Variants in MAPK7 observed in about 807,000 individuals in gnomAD.
MAPK7 encodes mitogen-activated protein kinase 7, also known as BMK-1.
Under a neutral mutation model 56.9 loss-of-function variants are expected in MAPK7, and 30 were observed. The ratio of observed to expected loss-of-function variants is 0.53; its 90% CI spans 0.39 to 0.72. MAPK7 has a LOEUF of 0.72. Ranked by LOEUF, MAPK7 falls within the 30% of genes least tolerant of loss-of-function variation. MAPK7 has a pLI of 0.00. For missense variants in MAPK7, 952 were observed against 1,110.8 expected, an observed-to-expected ratio of 0.86 and a Z score of 2.03; for synonymous variants, 516 against 449.3, an observed-to-expected ratio of 1.15 and a Z score of -1.88.
At position 19,382,915 on chromosome 17, in the gene MAPK7, G is replaced by C. The variant is rs775587740; in HGVS notation, c.2266G>C (p.Asp756His). The stretch of plus-strand genomic sequence containing the variant: ...GGAGGAATTCTTAAACCAGTCTTTC[G>C]ACATGGGCGTGGCTGATGGGCCACA... ...DLEEFLNQSF[D>H]MGVADGPQDG... The change falls in exon 6 of 7, where the codon GAC becomes CAC. Residue 756 changes from aspartate (D) to histidine (H), a missense_variant. By Grantham distance (81) the Asp-to-His change is moderately conservative. This residue lies in a region of MAPK7 where 73 missense variants were observed against 104.6 expected (regional missense o/e 0.70). Coordinates refer to ENST00000395604, the MANE Select transcript of MAPK7 (RefSeq NM_002749.4). 1 of 1,614,212 alleles carries C rather than the reference G, an allele frequency of 6.2e-7. No individual in the cohort carries two copies. The highest frequency in any genetic ancestry group is 8.5e-7 in the Non-Finnish European group (1 of 1,180,046).
In MAPK7 at chr17:19,382,373, C is replaced by T; in HGVS notation, c.2070C>T (p.Gly690=). 6.2e-7 allele frequency: 1 copy of T among 1,613,568 alleles called. No individual in the cohort carries two copies. The part of the protein sequence containing the change: ...TPGVLPYFPP[G]LPPPDAGGAP... ...GAGTTTTGCCTTACTTCCCACCTGGCCTGCCGCCCCCAGACGCCGGGGGAG... is the reference window on the plus strand; with the variant it reads ...GAGTTTTGCCTTACTTCCCACCTGGTCTGCCGCCCCCAGACGCCGGGGGAG... The change falls in exon 5 of 7, where the codon GGC becomes GGT. Residue 690 remains glycine (G), a synonymous_variant. Transcript: ENST00000395604.
At position 19,379,524 on chromosome 17, in the gene MAPK7, A is replaced by G. The variant is rs78834929; in HGVS notation, c.233-258A>G. On this transcript the variant is annotated intron_variant, in intron 2 of 6. Coordinates refer to ENST00000395604, the MANE Select transcript of MAPK7 (RefSeq NM_002749.4). ...GAGCTACACCACTGGGCATCCGTGC[A>G]ACCTCCAACAAGTTACTAAGCCATA... The G allele has an allele frequency of 8.5e-3, 4,833 of 567,154 alleles. 245 individuals carry two copies. In the East Asian group the frequency reaches 0.11, roughly 13 times the overall value. The allele number at this position is 567,154 out of a possible 1,614,324, so 35.1% of individuals were successfully genotyped here.
At chr17:19,379,318 G>T in intron 2 of MAPK7, 186 bp downstream of exon 2, 1 of 618,870 alleles carries the variant, frequency 1.6e-6, no homozygotes, top group Non-Finnish European at 2.8e-6. Flanking sequence ...CGGCCTGGTG[G>T]TTTTGCCATC....
In MAPK7 at chr17:19,378,962, T is replaced by G; in HGVS notation, c.62T>G (p.Val21Gly). 1.2e-6 allele frequency: 2 copies of G among 1,604,050 alleles called. No individual in the cohort carries two copies. The highest frequency in any genetic ancestry group is 1.1e-5 in the South Asian group (1 of 89,538). Residue 21 changes from valine to glycine, a missense_variant, in exon 2 of 7, where the codon GTG becomes GGG. Val to Gly is a moderately radical substitution (Grantham distance 109). This residue lies in a region of MAPK7 where 213 missense variants were observed against 243.2 expected (regional missense o/e 0.88). Coordinates refer to ENST00000395604, the MANE Select transcript of MAPK7 (RefSeq NM_002749.4). The surrounding 1 kb of genome is among the most constrained non-coding windows in gnomAD (Gnocchi z 5.4). ...EDGSAEPPGP[V>G]KAEPAHTAAS... ...GGCTCTGCGGAGCCCCCCGGGCCCGTGAAGGCCGAACCCGCCCACACCGCT... is the reference window on the plus strand; with the variant it reads ...GGCTCTGCGGAGCCCCCCGGGCCCGGGAAGGCCGAACCCGCCCACACCGCT...
In MAPK7 at chr17:19,381,779, A is replaced by G; in HGVS notation, c.1478-2A>G. On this transcript the variant is annotated splice_acceptor_variant, in intron 4 of 6. Transcript: ENST00000395604. LOFTEE classifies it high-confidence loss of function. The surrounding 1 kb of genome is among the most constrained non-coding windows in gnomAD (Gnocchi z 4.6). ...CTTCTCCCCTGCCCAACTTCCCCGC[A>G]GATGGCCCCAGCGCACCCCTGGAGG... 1 of 1,539,110 alleles carries G rather than the reference A, an allele frequency of 6.5e-7. No individual in the cohort carries two copies. Among genetic ancestry groups the G allele is most frequent in the South Asian group, 1.3e-5 (1 of 77,554 alleles).
chr17:19,380,680 A>G lies in MAPK7; in HGVS notation c.471A>G (p.Glu157=). Residue 157 remains glutamate (E), a synonymous_variant, in exon 4 of 7, where the codon GAA becomes GAG. Coordinates refer to ENST00000395604, the MANE Select transcript of MAPK7 (RefSeq NM_002749.4). Reference sequence around the variant, plus strand: ...ACTCCTCACAGCCCCTCACACTGGAACACGTGCGCTACTTCCTGTACCAAC... The same window carrying G: ...ACTCCTCACAGCCCCTCACACTGGAGCACGTGCGCTACTTCCTGTACCAAC... The part of the protein sequence containing the change: ...IIHSSQPLTL[E]HVRYFLYQLL... 1 of 1,614,078 alleles carries G rather than the reference A, an allele frequency of 6.2e-7. No individual in the cohort carries two copies. Among genetic ancestry groups the G allele is most frequent in the Non-Finnish European group, 8.5e-7 (1 of 1,179,970 alleles).
At position 19,382,169 on chromosome 17, in the gene MAPK7, C is replaced by T; in HGVS notation, c.1866C>T (p.Gly622=). The T allele has an allele frequency of 1.9e-6, 3 of 1,612,462 alleles. No homozygotes were observed. Among genetic ancestry groups the T allele is most frequent in the Non-Finnish European group, 2.5e-6 (3 of 1,179,694 alleles). Residue 622 remains glycine, a synonymous_variant, in exon 5 of 7, where the codon GGC becomes GGT. Coordinates refer to ENST00000395604, the MANE Select transcript of MAPK7 (RefSeq NM_002749.4). ...CTGGCCCGCAACCACAATCTGCGGGCTCTACCTCTGGCCCTGTACCCCAGC... is the reference window on the plus strand; with the variant it reads ...CTGGCCCGCAACCACAATCTGCGGGTTCTACCTCTGGCCCTGTACCCCAGC... The part of the protein sequence containing the change: ...QPTGPQPQSA[G]STSGPVPQPA...
chr17:19,379,230 G>A (rs1912410148), intron 2 of MAPK7, 98 bp downstream of exon 2: 8 of 1,106,298 alleles, frequency 7.2e-6, no homozygotes, highest in African/African-American at 1.6e-5. Flanking sequence ...CGGGGTGCGA[G>A]TTCTGGCTCC....
rs201918808 is a variant in MAPK7, at chr17:19,381,595, T to A, written c.1386T>A (p.Pro462=). ...AGCCACCTCCACCAGTCAGTGAGCC[T>A]GCCCCACCAAAGAAAGATGGTGCCA... ...TLQPPPPVSE[P]APPKKDGAIS... is the part of the protein sequence containing the mutation. The change falls in exon 4 of 7, where the codon CCT becomes CCA. Residue 462 remains proline, a synonymous_variant. Coordinates refer to ENST00000395604, the MANE Select transcript of MAPK7 (RefSeq NM_002749.4). The surrounding 1 kb of genome is among the most constrained non-coding windows in gnomAD (Gnocchi z 4.6). 9 of 1,613,890 alleles carry A rather than the reference T, an allele frequency of 5.6e-6. No homozygotes were observed. In the Admixed American group the frequency reaches 1.3e-4, roughly 24 times the overall value.
Position 19,381,195 on chromosome 17 carries a change from G to T in MAPK7, c.986G>T (p.Arg329Leu), listed in dbSNP as rs368014787. The change falls in exon 4 of 7, where the codon CGT (arginine) becomes CTT (leucine). Residue 329 changes from arginine (R) to leucine (L), a missense_variant. Around this residue, in one of 5 missense-constraint regions of MAPK7, gnomAD observed 429 missense variants for 533.0 expected, o/e 0.80. Transcript: ENST00000395604. This position sits in a 1 kb window ranked among gnomAD's most constrained non-coding sequence, Gnocchi z 4.6. ...QALSLLGRML[R>L]FEPSARISAA... The stretch of plus-strand genomic sequence containing the variant: ...CTATCACTGCTGGGTCGCATGCTGC[G>T]TTTTGAGCCCAGCGCTCGCATCTCA... 1 of 1,614,106 alleles carries T rather than the reference G, an allele frequency of 6.2e-7. No individual in the cohort carries two copies. The highest frequency in any genetic ancestry group is 2.2e-5 in the East Asian group (1 of 44,874).
In MAPK7 at chr17:19,383,354, T is replaced by TC; in HGVS notation, c.*124dup. On this transcript the variant is annotated 3_prime_UTR_variant, in exon 7 of 7. Transcript: ENST00000395604. ...CGGCTTGGATTATTCTGCAGGTTCA[T>TC]CTCAGACCCACCTTTCAGCCTTAAG... 1 of 1,111,136 alleles carries TC rather than the reference T, an allele frequency of 9.0e-7. No homozygotes were observed. Among genetic ancestry groups the TC allele is most frequent in the Middle Eastern group, 3.0e-4 (1 of 3,302 alleles). 68.8% of individuals were successfully genotyped at this position (1,111,136 alleles called of 1,614,324 possible).
chr17:19,380,526 C>G, intron 3 of MAPK7, 82 bp from the exon 4 acceptor site: 1 of 1,507,616 alleles, frequency 6.6e-7, no homozygotes, highest in Non-Finnish European at 8.8e-7. Flanking sequence ...TGTCTGGAAT[C>G]GGAAGGGTGT....
Position 19,381,948 on chromosome 17 carries a change from G to C in MAPK7, c.1645G>C (p.Gly549Arg), listed in dbSNP as rs1348115164. The stretch of plus-strand genomic sequence containing the variant: ...AAAGGAACGGGGGGCTGGGGCCTCT[G>C]GGGGCCCCTCCACTGACCCCTTGGC... Reference protein sequence around the residue: ...ERKERGAGASGGPSTDPLAGL... With the variant: ...ERKERGAGASRGPSTDPLAGL... The change falls in exon 5 of 7, where the codon GGG becomes CGG. Residue 549 changes from glycine (G) to arginine (R), a missense_variant. Gly to Arg is a moderately radical substitution (Grantham distance 125, BLOSUM62 -2). Transcript: ENST00000395604. This position sits in a 1 kb window ranked among gnomAD's most constrained non-coding sequence, Gnocchi z 4.6. The C allele has an allele frequency of 1.3e-6, 2 of 1,551,634 alleles. No individual in the cohort carries two copies. Among genetic ancestry groups the C allele is most frequent in the African/African-American group, 1.4e-5 (1 of 73,028 alleles).
chr17:19,377,849 G>A (rs374223349), upstream of MAPK7: 21 of 985,320 alleles, frequency 2.1e-5, no homozygotes, highest in Non-Finnish European at 2.3e-5. Flanking sequence ...AACGAGCGGA[G>A]GGAAGATACC....
rs777410346 is a variant in MAPK7, at chr17:19,382,114, GTCC to G, written c.1819_1821del (p.Pro607del). 9.9e-6 allele frequency: 16 copies of G among 1,612,006 alleles called. No homozygotes were observed. The highest frequency in any genetic ancestry group is 3.3e-5 in the South Asian group (3 of 91,018). ...ACCCCAACCCCAGTCCAACCTACCA[GTCC>G]TCCTCCTGGCCCTGTAGCCCAGCCC... is the stretch of plus-strand genomic sequence containing the variant. On this transcript the variant is annotated inframe_deletion, in exon 5 of 7. Transcript: ENST00000395604.
In MAPK7 at chr17:19,380,676, T is replaced by C. The variant is rs780384541; in HGVS notation, c.467T>C (p.Leu156Pro). The C allele has an allele frequency of 1.2e-6, 2 of 1,614,024 alleles. No individual in the cohort carries two copies. Among genetic ancestry groups the C allele is most frequent in the South Asian group, 2.2e-5 (2 of 91,084 alleles). ...ATCCACTCCTCACAGCCCCTCACAC[T>C]GGAACACGTGCGCTACTTCCTGTAC... ...QIIHSSQPLT[L>P]EHVRYFLYQL... Residue 156 changes from leucine to proline, a missense_variant, in exon 4 of 7, where the codon CTG becomes CCG. Around this residue, in one of 5 missense-constraint regions of MAPK7, gnomAD observed 213 missense variants for 243.2 expected, o/e 0.88. Transcript: ENST00000395604.
chr17:19,377,839 A>C (rs1912225924), upstream of MAPK7: 1 of 985,312 alleles, frequency 1.0e-6, no homozygotes, highest in African/African-American at 1.7e-5. Context: ...GGGACAGACA[A>C]ACGAGCGGAG....
In MAPK7 at chr17:19,382,928, C is replaced by T. The variant is rs1367373679; in HGVS notation, c.2279C>T (p.Ala760Val). The T allele has an allele frequency of 6.2e-7, 1 of 1,614,122 alleles. No individual in the cohort carries two copies. The highest frequency in any genetic ancestry group is 1.7e-5 in the Admixed American group (1 of 60,014). ...FLNQSFDMGVADGPQDGQADS... is the reference protein window; with the variant it reads ...FLNQSFDMGVVDGPQDGQADS... ...AACCAGTCTTTCGACATGGGCGTGG[C>T]TGATGGGCCACAGGATGGGTAAGGT... The change falls in exon 6 of 7, where the codon GCT becomes GTT. Residue 760 changes from alanine (A) to valine (V), a missense_variant. Coordinates refer to ENST00000395604, the MANE Select transcript of MAPK7 (RefSeq NM_002749.4).
In MAPK7 at chr17:19,381,082, TGA is replaced by T; in HGVS notation, c.877_878del (p.Arg293GlyfsTer38). 6.2e-7 allele frequency: 1 copy of T among 1,614,094 alleles called. No homozygotes were observed. The highest frequency in any genetic ancestry group is 8.5e-7 in the Non-Finnish European group (1 of 1,180,022). On this transcript the variant is annotated frameshift_variant, in exon 4 of 7. Transcript: ENST00000395604. LOFTEE classifies it high-confidence loss of function. The surrounding 1 kb of genome is among the most constrained non-coding windows in gnomAD (Gnocchi z 4.6). ...SPAVIQAVGA[E>X]RVRAYIQSLP... is the part of the protein sequence containing the mutation. ...CAGCCGTGATTCAGGCTGTGGGGGCTGAGAGGGTGCGGGCCTATATCCAGAGC... is the reference window on the plus strand; with the variant it reads ...CAGCCGTGATTCAGGCTGTGGGGGCTGAGGGTGCGGGCCTATATCCAGAGC...
Sources: gnomAD v4.1 joint callset for allele counts on GRCh38, gnomAD v4.1.1 for gene constraint, gnomAD v4.1.1 regional missense constraint, Gnocchi (gnomAD v3.1) non-coding constraint, MANE v1.5 for transcripts, NCBI Gene and HGNC (gene_info 2026-07-23, HGNC 2026-07-21) for gene names.